Variants in POLDIP3 observed in about 807,000 individuals in gnomAD.
POLDIP3 encodes polymerase delta-interacting protein 3.
POLDIP3 carries 14 observed loss-of-function variants against 45.1 expected under a neutral mutation model. The observed-to-expected ratio is 0.31, with a 90% CI of 0.20 to 0.49. The LOEUF (loss-of-function observed/expected upper bound fraction) is 0.49. Ranked by LOEUF, POLDIP3 falls within the 20% of genes least tolerant of loss-of-function variation. POLDIP3 has a pLI of 0.99. For missense variants in POLDIP3, 511 were observed against 538.8 expected (o/e 0.95, Z 0.51); for synonymous variants, 223 against 205.2 (o/e 1.09, Z -0.74).
chr22:42,585,657 G>A lies in POLDIP3; in HGVS notation c.*134C>T, dbSNP rs957811011. ...AGAAAGGCGGGTCCCATCCAGTGAG[G>A]AAGCTCTTTATCCCTGGCAACCCTT... On this transcript the variant is annotated 3_prime_UTR_variant, in exon 9 of 9. Coordinates refer to ENST00000252115, the MANE Select transcript of POLDIP3 (RefSeq NM_032311.5). The A allele has an allele frequency of 4.8e-5, 50 of 1,041,728 alleles. No homozygotes were observed. Among genetic ancestry groups the A allele is most frequent in the Middle Eastern group, 6.5e-4 (2 of 3,084 alleles). 64.5% of individuals were successfully genotyped at this position (1,041,728 alleles called of 1,614,324 possible). A position where few individuals can be genotyped will look rare whatever the true frequency, so the allele number is the denominator to read the frequency against.
chr22:42,585,146 G>A lies in POLDIP3; in HGVS notation c.*645C>T, dbSNP rs1449981317. The A allele has an allele frequency of 6.7e-6, 3 of 445,956 alleles. No individual in the cohort carries two copies. Among genetic ancestry groups the A allele is most frequent in the Admixed American group, 5.0e-5 (2 of 40,266 alleles). The allele number at this position is 445,956 out of a possible 1,614,324, so 27.6% of individuals were successfully genotyped here. ...CTTCCTCTGGGTGGAGACGACACGG[G>A]ACTCCAAGCCAAGAGCTTAGATAGA... On this transcript the variant is annotated 3_prime_UTR_variant, in exon 9 of 9. Transcript: ENST00000252115.
In POLDIP3 at chr22:42,588,178, G is replaced by A. The variant is rs564182060; in HGVS notation, c.1022-606C>T. On this transcript the variant is annotated intron_variant, in intron 7 of 8. Transcript: ENST00000252115. Reference sequence around the variant, plus strand: ...AGGAACAAAAAAGTAAAATGGGGCCGGGCGCGGTGGCTCACGCCTGTAATC... The same window carrying A: ...AGGAACAAAAAAGTAAAATGGGGCCAGGCGCGGTGGCTCACGCCTGTAATC... Among the ~76,000 whole-genome samples, 62 of 152,238 alleles carry A rather than the reference G, an allele frequency of 4.1e-4. 1 individual carries two copies. Among genetic ancestry groups the A allele is most frequent in the Non-Finnish European group, 5.3e-4 (36 of 68,000 alleles).
At chr22:42,595,650 T>A in intron 5 of POLDIP3, 36 bp from the exon 6 acceptor site, 1 of 1,585,470 alleles carries the variant, frequency 6.3e-7, no homozygotes, top group Non-Finnish European at 8.7e-7. Context: ...AGAAGCCAGA[T>A]GGCTGATAAG....
chr22:42,613,493 C>T (rs780231433), intron 1 of POLDIP3, among the ~76,000 whole-genome samples: 7 of 152,208 alleles, frequency 4.6e-5, no homozygotes, highest in Non-Finnish European at 1.0e-4. Flanking sequence ...GGGCCGGTGG[C>T]TCACGCCTGT....
At chr22:42,595,699 G>GA in intron 5 of POLDIP3, 85 bp from the exon 6 acceptor site, 1 of 1,254,718 alleles carries the variant, frequency 8.0e-7, no homozygotes, top group South Asian at 1.2e-5. Flanking sequence ...ACGTGACTAG[G>GA]AAGGCCCAGA....
intron 1 of POLDIP3, among the ~76,000 whole-genome samples, chr22:42,607,141 C>T (rs1926782289): frequency 6.6e-6 from 1 of 152,200 alleles, no homozygotes; most frequent in Non-Finnish European, 1.5e-5. Context: ...CCCCCTCTCC[C>T]CAGTTTCCCT....
intron 1 of POLDIP3, among the ~76,000 whole-genome samples, chr22:42,610,967 C>T (rs1406961725): frequency 2.0e-5 from 3 of 152,182 alleles, no homozygotes; most frequent in Admixed American, 2.0e-4. Flanking sequence ...GTACCTAATG[C>T]TATCCTGAGG....
Position 42,585,952 on chromosome 22 carries a change from G to A in POLDIP3, c.1105C>T (p.Pro369Ser). 2 of 1,612,612 alleles carry A rather than the reference G, an allele frequency of 1.2e-6. No individual in the cohort carries two copies. Among genetic ancestry groups the A allele is most frequent in the Non-Finnish European group, 1.7e-6 (2 of 1,179,354 alleles). The change falls in exon 9 of 9, where the codon CCA (proline) becomes TCA (serine). Residue 369 changes from proline (P) to serine (S), a missense_variant. Pro to Ser is a moderately conservative substitution (Grantham distance 74). This residue lies in a region of POLDIP3 where 45 missense variants were observed against 34.3 expected (regional missense o/e 1.31). Transcript: ENST00000252115. ...AGCTCGCTCTCCTTTTTCATTGATG[G>A]GCTGTCACTCAGCCGCCTGTGGAGA... ...QPILLRLSDS[P>S]SMKKESELPR...
At chr22:42,602,721 A>G (rs1926472728) in intron 2 of POLDIP3, 49 bp downstream of exon 2, 4 of 1,543,848 alleles carry the variant, frequency 2.6e-6, no homozygotes, top group East Asian at 4.5e-5. Flanking sequence ...CTCTAAATCT[A>G]CCTTTGTTAC....
In POLDIP3 at chr22:42,592,191, C is replaced by T. The variant is rs540501557; in HGVS notation, c.892-107G>A. ...GGTGGTTCCGCTGCAGCTAAATGCG[C>T]CCTGCGCCTGAGACTGCGGGGAGGC... On this transcript the variant is annotated intron_variant, in intron 6 of 8. Transcript: ENST00000252115. The T allele has an allele frequency of 2.0e-5, 31 of 1,523,076 alleles. 1 individual carries two copies. The South Asian group carries it at 3.0e-4, about 15-fold the overall frequency. The allele number at this position is 1,523,076 out of a possible 1,614,324, so 94.3% of individuals were successfully genotyped here.
At chr22:42,612,723 G>A (rs552794585) in intron 1 of POLDIP3, among the ~76,000 whole-genome samples, 2 of 152,300 alleles carry the variant, frequency 1.3e-5, no homozygotes, top group African/African-American at 2.4e-5. Context: ...CTACTTGGGA[G>A]GCTGAGACAG....
chr22:42,605,733 G>C (rs996796934), intron 1 of POLDIP3, among the ~76,000 whole-genome samples: 1 of 152,098 alleles, frequency 6.6e-6, no homozygotes, highest in Non-Finnish European at 1.5e-5. Flanking sequence ...GAAAGAAATG[G>C]TTGTATGTGG....
Position 42,584,835 on chromosome 22 carries a change from G to C in POLDIP3, c.*956C>G, listed in dbSNP as rs528802546. On this transcript the variant is annotated 3_prime_UTR_variant, in exon 9 of 9. Transcript: ENST00000252115. ...AGGCATCCCTGACCACTGTCCTGTAGACAACTGAGGCCAGAAATGGAGAGC... is the reference window on the plus strand; with the variant it reads ...AGGCATCCCTGACCACTGTCCTGTACACAACTGAGGCCAGAAATGGAGAGC... 11 of 454,010 alleles carry C rather than the reference G, an allele frequency of 2.4e-5. No homozygotes were observed. Among genetic ancestry groups the C allele is most frequent in the South Asian group, 1.7e-4 (11 of 64,306 alleles). 28.1% of individuals were successfully genotyped at this position (454,010 alleles called of 1,614,324 possible). A position where few individuals can be genotyped will look rare whatever the true frequency, so the allele number is the denominator to read the frequency against.
At position 42,592,026 on chromosome 22, in the gene POLDIP3, G is replaced by A. The variant is rs1187864745; in HGVS notation, c.950C>T (p.Ala317Val). The change falls in exon 7 of 9, where the codon GCG becomes GTG. Residue 317 changes from alanine to valine, a missense_variant. This residue lies in a region of POLDIP3 where 66 missense variants were observed against 118.1 expected (regional missense o/e 0.56). Transcript: ENST00000252115. Reference sequence around the variant, plus strand: ...GTCCTTTTTCACAAACACCACCTCCGCTACCCCAGGATGGACCAGTCGAGC... The same window carrying A: ...GTCCTTTTTCACAAACACCACCTCCACTACCCCAGGATGGACCAGTCGAGC... The part of the protein sequence containing the change: ...KRARLVHPGV[A>V]EVVFVKKDDA... 6.2e-7 allele frequency: 1 copy of A among 1,614,134 alleles called. No individual in the cohort carries two copies.
Position 42,602,983 on chromosome 22 carries a change from C to T in POLDIP3, c.237G>A (p.Leu79=), listed in dbSNP as rs1601900779. 2 of 1,614,032 alleles carry T rather than the reference C, an allele frequency of 1.2e-6. No individual in the cohort carries two copies. Among genetic ancestry groups the T allele is most frequent in the East Asian group, 2.2e-5 (1 of 44,884 alleles). The change falls in exon 2 of 9, where the codon TTG becomes TTA. Residue 79 remains leucine, a synonymous_variant. Coordinates refer to ENST00000252115, the MANE Select transcript of POLDIP3 (RefSeq NM_032311.5). The part of the protein sequence containing the change: ...LGVKDAREKL[L]QKDARFRIKG... ...TGATTCGAAATCGGGCATCTTTCTG[C>T]AAAAGCTTCTCCCGGGCATCCTTGA...
intron 6 of POLDIP3, among the ~76,000 whole-genome samples, chr22:42,594,042 A>T (rs1465107324): frequency 1.3e-5 from 2 of 152,118 alleles, no homozygotes; most frequent in Admixed American, 1.3e-4. Flanking sequence ...CAGGCAGATC[A>T]TGAGGTCAGG....
Position 42,587,581 on chromosome 22 carries a change from C to A in POLDIP3, c.1022-9G>T. 2 of 1,612,820 alleles carry A rather than the reference C, an allele frequency of 1.2e-6. No individual in the cohort carries two copies. The highest frequency in any genetic ancestry group is 8.5e-7 in the Non-Finnish European group (1 of 1,178,848). On this transcript the variant is annotated splice_polypyrimidine_tract_variant and intron_variant, in intron 7 of 8. Coordinates refer to ENST00000252115, the MANE Select transcript of POLDIP3 (RefSeq NM_032311.5). ...GCACTTCATCGGCTGCCCTGAAAAA[C>A]CAAAGAAAGAAAAAGGCTCTGCTAT...
rs1263195484 is a variant in POLDIP3, at chr22:42,608,681, ACT to A, written c.60-5523_60-5522del. On this transcript the variant is annotated intron_variant, in intron 1 of 8. Transcript: ENST00000252115. ...AGCGAGGCGAGCGGGTGGTGCACGC[ACT>A]GAGAACTCGCATACCACAATGCCTG... Among the ~76,000 whole-genome samples the A allele has an allele frequency of 3.3e-5, 5 of 152,164 alleles. No homozygotes were observed. In the East Asian group the frequency reaches 9.6e-4, roughly 29 times the overall value.
intron 6 of POLDIP3, among the ~76,000 whole-genome samples, chr22:42,592,885 G>A (rs1052822926): frequency 3.9e-5 from 6 of 152,184 alleles, no homozygotes; most frequent in African/African-American, 1.2e-4. Flanking sequence ...TTCTTCACCT[G>A]CAACTGCCTT....
Sources: allele counts gnomAD v4.1 joint callset (sites outside exome capture counted in the v4.1 genomes callset), GRCh38; gene constraint gnomAD v4.1.1; regional missense constraint gnomAD v4.1.1; transcripts MANE v1.5; gene names NCBI Gene and HGNC (gene_info 2026-07-23, HGNC 2026-07-21).